CFAP54: variants seen among roughly 807,000 people sequenced by gnomAD.
The protein encoded by CFAP54 is cilia and flagella associated protein 54.
A neutral mutation model predicts 370.4 loss-of-function variants in CFAP54; 290 were observed. The ratio of observed to expected loss-of-function variants is 0.78; its 90% CI spans 0.71 to 0.86. The LOEUF (loss-of-function observed/expected upper bound fraction) is 0.86. CFAP54 is among the 40% of genes least tolerant of loss of function. CFAP54 has a pLI of 0.00. For missense variants in CFAP54, 3,399 were observed against 3,528.7 expected (o/e 0.96, Z 0.93); for synonymous variants, 1,206 against 1,236.5 (o/e 0.98, Z 0.52).
chr12:96,826,601 A>G (rs1454385765), intron 65 of CFAP54, among the ~76,000 whole-genome samples: 1 of 109,918 alleles, frequency 9.1e-6, no homozygotes, highest in Non-Finnish European at 1.7e-5. Context: ...TAAATATATT[A>G]TATGATAATA....
intron 6 of CFAP54, among the ~76,000 whole-genome samples, chr12:96,519,798 A>G (rs569567439): frequency 6.6e-6 from 1 of 152,268 alleles, no homozygotes; most frequent in Admixed American, 6.5e-5. Context: ...CTTAAAATCT[A>G]TTTACTAGTA....
At chr12:96,654,888 G>C (rs1834629946) in intron 36 of CFAP54, among the ~76,000 whole-genome samples, 2 of 144,962 alleles carry the variant, frequency 1.4e-5, no homozygotes, top group South Asian at 4.6e-4. Context: ...ATACCAACTG[G>C]AAAAGTATGA....
At chr12:96,794,299 C>A (rs1019693097) in intron 63 of CFAP54, among the ~76,000 whole-genome samples, 1 of 152,220 alleles carries the variant, frequency 6.6e-6, no homozygotes, top group South Asian at 2.1e-4. Context: ...GTAAGGCCAG[C>A]GACATTTTCC....
At chr12:96,563,146 C>G (rs1039895755) in intron 17 of CFAP54, among the ~76,000 whole-genome samples, 1 of 152,090 alleles carries the variant, frequency 6.6e-6, no homozygotes, top group African/African-American at 2.4e-5. Context: ...ACCTCGTTCT[C>G]TAATTGTCAT....
chr12:96,688,052 C>T lies in CFAP54; in HGVS notation c.6015-864C>T, dbSNP rs1171272629. On this transcript the variant is annotated intron_variant, in intron 42 of 67. Transcript: ENST00000524981. The stretch of plus-strand genomic sequence containing the variant: ...TCTCCCCGCCCTGTAAAATACCACA[C>T]TTGAAGATCCACACAGTGAAGCTGA... Among the ~76,000 whole-genome samples, 9 of 152,072 alleles carry T rather than the reference C, an allele frequency of 5.9e-5. No homozygotes were observed. In the East Asian group the frequency reaches 1.7e-3, roughly 29 times the overall value.
At position 96,537,768 on chromosome 12, in the gene CFAP54, C is replaced by A. The variant is rs77887055; in HGVS notation, c.1792-616C>A. Among the ~76,000 whole-genome samples the A allele has an allele frequency of 5.6e-3, 857 of 151,918 alleles. 4 individuals are homozygous for A. Among genetic ancestry groups the A allele is most frequent in the Non-Finnish European group, 9.3e-3 (632 of 67,952 alleles). On this transcript the variant is annotated intron_variant, in intron 12 of 67. Transcript: ENST00000524981. ...TTTGGGAATTTTCTTTTTAGAGAGG[C>A]GGAAGAGCATAGAGCATTCATTAAG...
intron 63 of CFAP54, among the ~76,000 whole-genome samples, chr12:96,804,831 C>T (rs1424534353): frequency 2.0e-5 from 3 of 152,050 alleles, no homozygotes; most frequent in Non-Finnish European, 4.4e-5. Context: ...CACATTACCT[C>T]ACTTCAAATT....
At chr12:96,520,081 G>T (rs1422163953) in intron 6 of CFAP54, among the ~76,000 whole-genome samples, 2 of 152,168 alleles carry the variant, frequency 1.3e-5, no homozygotes, top group Non-Finnish European at 2.9e-5. Context: ...AGGCTGGAGT[G>T]CAGTGGTCTG....
At chr12:96,865,785 A>G (rs138227138) in intron 67 of CFAP54, among the ~76,000 whole-genome samples, 10 of 152,294 alleles carry the variant, frequency 6.6e-5, no homozygotes, top group African/African-American at 2.2e-4. Flanking sequence ...TCATCTCATT[A>G]TATGACTGGA....
At chr12:96,754,820 T>A (rs1291974743) in intron 56 of CFAP54, among the ~76,000 whole-genome samples, 1 of 152,092 alleles carries the variant, frequency 6.6e-6, no homozygotes, top group African/African-American at 2.4e-5. Flanking sequence ...CTTGGCTCAC[T>A]GCAACCTTCG....
intron 26 of CFAP54, among the ~76,000 whole-genome samples, chr12:96,608,615 C>T (rs1302023514): frequency 6.6e-6 from 1 of 151,984 alleles, no homozygotes; most frequent in Admixed American, 6.6e-5. Context: ...GCATGCACCA[C>T]TACGCCCGCT....
intron 50 of CFAP54, among the ~76,000 whole-genome samples, chr12:96,735,949 A>G (rs1957975933): frequency 6.6e-6 from 1 of 152,218 alleles, no homozygotes; most frequent in South Asian, 2.1e-4. Flanking sequence ...AAAACAAAGG[A>G]AAAAGGAAGA....
At chr12:96,761,484 G>T (rs77915083) in intron 58 of CFAP54, among the ~76,000 whole-genome samples, 3,169 of 151,786 alleles carry the variant, frequency 0.021, 115 homozygotes, top group African/African-American at 0.071. Context: ...AAATTTTAAT[G>T]AAGTCCAAAT....
At chr12:96,842,002 G>A (rs560652355) in intron 66 of CFAP54, among the ~76,000 whole-genome samples, 1 of 152,138 alleles carries the variant, frequency 6.6e-6, no homozygotes, top group South Asian at 2.1e-4. Flanking sequence ...AATACATTGT[G>A]GTCATCTTTA....
chr12:96,872,981 T>C (rs1960206471), intron 67 of CFAP54, among the ~76,000 whole-genome samples: 1 of 152,188 alleles, frequency 6.6e-6, no homozygotes, highest in Non-Finnish European at 1.5e-5. Flanking sequence ...AAAGAATAGA[T>C]AGCCATCAGA....
At chr12:96,522,044 G>A (rs753174912) in intron 7 of CFAP54, 44 bp from the exon 8 acceptor site, 2 of 1,522,508 alleles carry the variant, frequency 1.3e-6, no homozygotes, top group South Asian at 2.4e-5. Flanking sequence ...GTTGGGAAGT[G>A]CATCTCATTG....
chr12:96,766,887 C>A (rs1475314256), intron 60 of CFAP54, among the ~76,000 whole-genome samples: 2 of 152,176 alleles, frequency 1.3e-5, no homozygotes, highest in Admixed American at 6.5e-5. Context: ...AACAGGAACT[C>A]ATTCTTCCAC....
At chr12:96,772,493 T>G (rs1303606775) in intron 60 of CFAP54, among the ~76,000 whole-genome samples, 2 of 152,174 alleles carry the variant, frequency 1.3e-5, no homozygotes, top group Non-Finnish European at 2.9e-5. Flanking sequence ...TCTGACTTCG[T>G]TTCTGCATAT....
chr12:96,498,033 C>T (rs960271953), intron 1 of CFAP54, among the ~76,000 whole-genome samples: 9 of 152,208 alleles, frequency 5.9e-5, no homozygotes, highest in African/African-American at 2.2e-4. Context: ...TAGATCAAAA[C>T]CCCTTTTCTG....
Sources: gnomAD v4.1 joint callset for allele counts (sites outside exome capture counted in the v4.1 genomes callset) on GRCh38, gnomAD v4.1.1 for gene constraint, MANE v1.5 for transcripts, NCBI Gene and HGNC (gene_info 2026-07-23, HGNC 2026-07-21) for gene names.